The following FOXN3 variants were observed in gnomAD, a reference collection of about 807,000 sequenced individuals.
The protein encoded by FOXN3 is forkhead box N3.
FOXN3 carries 7 observed loss-of-function variants against 38.4 expected under a neutral mutation model. That is an observed-to-expected ratio of 0.18 (90% CI 0.10 to 0.34). The LOEUF (loss-of-function observed/expected upper bound fraction) is 0.34. Ranked by LOEUF, FOXN3 falls within the 10% of genes least tolerant of loss-of-function variation. The pLI is 1.00. For synonymous variants in FOXN3, 230 were observed against 242.2 expected (o/e 0.95, Z 0.47); for missense variants, 456 against 613.4 (o/e 0.74, Z 2.71).
At chr14:89,384,190 T>C (rs549278672) in intron 2 of FOXN3, among the ~76,000 whole-genome samples, 1 of 152,340 alleles carries the variant, frequency 6.6e-6, no homozygotes, top group Non-Finnish European at 1.5e-5. Context: ...AGAATGGTGC[T>C]CACAGAAGCA....
At chr14:89,358,881 A>AT (rs1469256021) in intron 2 of FOXN3, among the ~76,000 whole-genome samples, 10 of 152,232 alleles carry the variant, frequency 6.6e-5, no homozygotes, top group Non-Finnish European at 1.5e-4. Context: ...GGCAAAATAC[A>AT]TAACTGCTCT....
chr14:89,542,091 T>C (rs366816), intron 1 of FOXN3, among the ~76,000 whole-genome samples: 81,873 of 151,896 alleles, frequency 0.54, 22,808 homozygotes, highest in Non-Finnish European at 0.58. Context: ...AGCTACTCCA[T>C]AGATAGAGTA....
chr14:89,498,131 T>G (rs1172752238), intron 1 of FOXN3, among the ~76,000 whole-genome samples: 1 of 140,148 alleles, frequency 7.1e-6, no homozygotes, highest in Non-Finnish European at 1.6e-5. Context: ...CTAGGTATTC[T>G]GGATATTTAT....
intron 3 of FOXN3, among the ~76,000 whole-genome samples, chr14:89,299,575 G>A (rs925673049): frequency 3.3e-5 from 5 of 152,272 alleles, no homozygotes; most frequent in South Asian, 2.1e-4. Flanking sequence ...CCCCAAATAC[G>A]GAAGCCAAGT....
chr14:89,219,856 C>T (rs1299490275), intron 4 of FOXN3, among the ~76,000 whole-genome samples: 3 of 152,166 alleles, frequency 2.0e-5, no homozygotes, highest in Non-Finnish European at 4.4e-5. Flanking sequence ...CCAGCAGCGC[C>T]CCTGAGATTG....
intron 4 of FOXN3, among the ~76,000 whole-genome samples, chr14:89,269,596 G>A (rs545425159): frequency 2.0e-5 from 3 of 151,560 alleles, no homozygotes; most frequent in African/African-American, 7.3e-5. Context: ...GGTAATGGTC[G>A]CAACAGTTGT....
At chr14:89,400,495 C>T (rs548377030) in intron 2 of FOXN3, among the ~76,000 whole-genome samples, 9 of 152,258 alleles carry the variant, frequency 5.9e-5, no homozygotes, top group South Asian at 2.1e-4. Flanking sequence ...TTGGCACTAA[C>T]GCCCATCCAA....
At chr14:89,282,376 T>C (rs550315816) in intron 3 of FOXN3, among the ~76,000 whole-genome samples, 19 of 152,312 alleles carry the variant, frequency 1.2e-4, no homozygotes, top group Admixed American at 2.0e-4. Flanking sequence ...GCCAGGTAGT[T>C]GTGACCACAG....
chr14:89,541,258 T>C (rs1338958445), intron 1 of FOXN3, among the ~76,000 whole-genome samples: 1 of 152,120 alleles, frequency 6.6e-6, no homozygotes, highest in Non-Finnish European at 1.5e-5. Context: ...GAATAGGAGC[T>C]GAGTAAAATA....
chr14:89,206,918 A>C, intron 4 of FOXN3, among the ~76,000 whole-genome samples: 1 of 152,162 alleles, frequency 6.6e-6, no homozygotes, highest in East Asian at 1.9e-4. Context: ...TGGCCATAAA[A>C]TGTTTAGGGG....
chr14:89,414,753 A>G (rs1018456110), intron 1 of FOXN3, among the ~76,000 whole-genome samples: 1 of 151,970 alleles, frequency 6.6e-6, no homozygotes, highest in Non-Finnish European at 1.5e-5. Context: ...GGGTTTCACC[A>G]TGTTGGCCAG....
intron 4 of FOXN3, among the ~76,000 whole-genome samples, chr14:89,229,074 A>G (rs1401015769): frequency 6.6e-6 from 1 of 152,210 alleles, no homozygotes; most frequent in Non-Finnish European, 1.5e-5. Context: ...AGAACAACCA[A>G]TACAGCCCTG....
At chr14:89,476,387 C>T (rs1053529193) in intron 1 of FOXN3, among the ~76,000 whole-genome samples, 3 of 152,190 alleles carry the variant, frequency 2.0e-5, no homozygotes, top group Admixed American at 6.5e-5. Flanking sequence ...TGCCCCTGCT[C>T]GGACCCCCAA....
At chr14:89,329,403 G>C (rs1283335862) in intron 3 of FOXN3, among the ~76,000 whole-genome samples, 1 of 152,090 alleles carries the variant, frequency 6.6e-6, no homozygotes, top group Admixed American at 6.5e-5. Flanking sequence ...CCTCAACTGG[G>C]GTTGGTTTTG....
At chr14:89,483,160 T>C (rs1893375089) in intron 1 of FOXN3, among the ~76,000 whole-genome samples, 1 of 151,992 alleles carries the variant, frequency 6.6e-6, no homozygotes, top group Admixed American at 6.6e-5. Context: ...AGACCCAAGA[T>C]CGCACCATTG....
chr14:89,426,983 G>T (rs1892045994), intron 1 of FOXN3, among the ~76,000 whole-genome samples: 1 of 152,146 alleles, frequency 6.6e-6, no homozygotes, highest in South Asian at 2.1e-4. Context: ...TGGAATCCCA[G>T]CACTTTGAGA....
intron 4 of FOXN3, among the ~76,000 whole-genome samples, chr14:89,243,870 C>T (rs1885211787): frequency 6.6e-6 from 1 of 152,188 alleles, no homozygotes; most frequent in Non-Finnish European, 1.5e-5. Flanking sequence ...GCATCGCGCC[C>T]GCCAATGAAA....
At chr14:89,352,975 A>G (rs1174855427) in intron 2 of FOXN3, among the ~76,000 whole-genome samples, 1 of 152,266 alleles carries the variant, frequency 6.6e-6, no homozygotes, top group Admixed American at 6.5e-5. Context: ...GGGCAAGAAC[A>G]GTGAAACGCC....
At chr14:89,380,055 A>G (rs1890596612) in intron 2 of FOXN3, among the ~76,000 whole-genome samples, 1 of 152,156 alleles carries the variant, frequency 6.6e-6, no homozygotes, top group African/African-American at 2.4e-5. Context: ...TTAAAGTCTG[A>G]TATGATTTAG....
Sources: allele counts gnomAD v4.1 joint callset (sites outside exome capture counted in the v4.1 genomes callset), GRCh38; gene constraint gnomAD v4.1.1; transcripts MANE v1.5; gene names NCBI Gene and HGNC (gene_info 2026-07-23, HGNC 2026-07-21).